The following URB2 variants were observed in gnomAD, a reference collection of about 807,000 sequenced individuals.
The protein encoded by URB2 is unhealthy ribosome biogenesis protein 2 homolog.
URB2 carries 86 observed loss-of-function variants against 120.9 expected under a neutral mutation model. The ratio of observed to expected loss-of-function variants is 0.71; its 90% CI spans 0.60 to 0.85. The LOEUF is 0.85. Ranked by LOEUF, URB2 falls within the 40% of genes least tolerant of loss-of-function variation. The pLI is 0.00. For synonymous variants in URB2, 755 were observed against 758.4 expected, an observed-to-expected ratio of 1.00 and a Z score of 0.07; for missense variants, 1,765 against 1,836.5, an observed-to-expected ratio of 0.96 and a Z score of 0.71.
rs1420159872 is a variant in URB2, at chr1:229,638,148, T to A, written c.3535T>A (p.Leu1179Met). ...AGHDQSFQAA[L>M]QFLTLFFLAP... ...ACATGATCAGTCTTTTCAGGCAGCCTTGCAGTTTTTGACTCTGTTCTTTTT... is the reference window on the plus strand; with the variant it reads ...ACATGATCAGTCTTTTCAGGCAGCCATGCAGTTTTTGACTCTGTTCTTTTT... The change falls in exon 4 of 10, where the codon TTG becomes ATG. Residue 1179 changes from leucine (L) to methionine (M), a missense_variant. Leu to Met is a conservative substitution (Grantham distance 15). Coordinates refer to ENST00000258243, the MANE Select transcript of URB2 (RefSeq NM_014777.4). The A allele has an allele frequency of 6.2e-7, 1 of 1,614,104 alleles. No homozygotes were observed. Among genetic ancestry groups the A allele is most frequent in the Non-Finnish European group, 8.5e-7 (1 of 1,180,044 alleles).
In URB2 at chr1:229,659,322, G is replaced by A. The variant is rs1241083654; in HGVS notation, c.*25G>A. On this transcript the variant is annotated 3_prime_UTR_variant, in exon 10 of 10. Transcript: ENST00000258243. ...AGGCTATGGGACAGAAGTGCCGCCA[G>A]TGACACTGTCCAGAGGCTTTGGCTG... 1.2e-6 allele frequency: 2 copies of A among 1,611,396 alleles called. No homozygotes were observed. Among genetic ancestry groups the A allele is most frequent in the East Asian group, 4.5e-5 (2 of 44,818 alleles).
rs1171145188 is a variant in URB2, at chr1:229,654,263, C to G, written c.4252C>G (p.Leu1418Val). 6 of 1,613,958 alleles carry G rather than the reference C, an allele frequency of 3.7e-6. No individual in the cohort carries two copies. Among genetic ancestry groups the G allele is most frequent in the Non-Finnish European group, 5.1e-6 (6 of 1,179,930 alleles). ...GTTGTCTGTAGGAAGCATAGATGAC[C>G]TGCCTACGGTCCTAAAGTGTGCACG... ...RQKDKGSIDD[L>V]PTVLKCARLV... The change falls in exon 9 of 10, where the codon CTG becomes GTG. Residue 1418 changes from leucine (L) to valine (V), a missense_variant. Physicochemically the swap from Leu to Val is conservative, Grantham distance 32. Coordinates refer to ENST00000258243, the MANE Select transcript of URB2 (RefSeq NM_014777.4).
In URB2 at chr1:229,643,606, G is replaced by A; in HGVS notation, c.3708G>A (p.Glu1236=). Residue 1236 remains glutamate (E), a synonymous_variant, in exon 5 of 10, where the codon GAG becomes GAA. Transcript: ENST00000258243. ...HLGALFTQML[E]VGTTEDLRLV... is the part of the protein sequence containing the mutation. ...GAGCCTTGTTCACCCAAATGTTAGA[G>A]GTTGGGACGACAGAGGACTTGAGGC... 2.5e-6 allele frequency: 4 copies of A among 1,614,218 alleles called. No homozygotes were observed. Among genetic ancestry groups the A allele is most frequent in the Non-Finnish European group, 3.4e-6 (4 of 1,180,042 alleles).
rs1407412023 is a variant in URB2 at position 229,638,082 on chromosome 1, G to A, written c.3469G>A (p.Val1157Ile). ...LLSHVALYQGVYSQILLELPA... is the reference protein window; with the variant it reads ...LLSHVALYQGIYSQILLELPA... ...CTCCCATGTTGCCCTCTACCAGGGTGTTTACTCTCAGATACTGTTGGAGTT... is the reference window on the plus strand; with the variant it reads ...CTCCCATGTTGCCCTCTACCAGGGTATTTACTCTCAGATACTGTTGGAGTT... Residue 1157 changes from valine to isoleucine, a missense_variant, in exon 4 of 10, where the codon GTT becomes ATT. Physicochemically the swap from Val to Ile is conservative, Grantham distance 29. Coordinates refer to ENST00000258243, the MANE Select transcript of URB2 (RefSeq NM_014777.4). 1.9e-6 allele frequency: 3 copies of A among 1,614,092 alleles called. No individual in the cohort carries two copies. The highest frequency in any genetic ancestry group is 1.7e-5 in the Admixed American group (1 of 60,002).
chr1:229,631,198 T>C (rs921322271), intron 2 of URB2, among the ~76,000 whole-genome samples: 8 of 152,164 alleles, frequency 5.3e-5, no homozygotes, highest in Non-Finnish European at 1.2e-4. Flanking sequence ...TAGCTTTTCC[T>C]CCGCAGCCTC....
At position 229,637,354 on chromosome 1, in the gene URB2, A is replaced by G. The variant is rs761203373; in HGVS notation, c.2741A>G (p.His914Arg). ...LQLDSLLPPYHVHYFLVLLSM... is the reference protein window; with the variant it reads ...LQLDSLLPPYRVHYFLVLLSM... ...CTGGACAGCCTCTTGCCACCCTATC[A>G]TGTGCATTATTTTCTTGTGTTACTG... The change falls in exon 4 of 10, where the codon CAT (histidine) becomes CGT (arginine). Residue 914 changes from histidine (H) to arginine (R), a missense_variant. Transcript: ENST00000258243. 8.7e-6 allele frequency: 14 copies of G among 1,614,062 alleles called. No individual in the cohort carries two copies. The highest frequency in any genetic ancestry group is 1.1e-5 in the Non-Finnish European group (13 of 1,179,984).
intron 7 of URB2, among the ~76,000 whole-genome samples, chr1:229,650,461 C>T (rs925275343): frequency 6.6e-6 from 1 of 151,772 alleles, no homozygotes; most frequent in African/African-American, 2.4e-5. Context: ...GATGGAGTCT[C>T]GCTCTGTCAC....
intron 1 of URB2, 87 bp downstream of exon 1, chr1:229,626,443 C>T (rs1467338453): frequency 6.5e-6 from 1 of 152,702 alleles, no homozygotes; most frequent in Non-Finnish European, 1.5e-5. Context: ...GAGGAGATCC[C>T]CCTACCTAAG....
At chr1:229,652,907 CATCTT>C (rs138258413) in intron 8 of URB2, among the ~76,000 whole-genome samples, 304 of 152,338 alleles carry the variant, frequency 2.0e-3, no homozygotes, top group Non-Finnish European at 3.4e-3. Context: ...GTAGCTTCGT[CATCTT>C]ATCTGCTAAG....
chr1:229,628,052 C>T (rs61249383), intron 2 of URB2, among the ~76,000 whole-genome samples: 1 of 145,504 alleles, frequency 6.9e-6, no homozygotes, highest in African/African-American at 2.5e-5. Flanking sequence ...AGTTCTAGAC[C>T]AGACTGGACA....
intron 4 of URB2, among the ~76,000 whole-genome samples, chr1:229,639,445 C>T (rs991123408): frequency 4.0e-5 from 6 of 151,762 alleles, no homozygotes; most frequent in Non-Finnish European, 7.4e-5. Flanking sequence ...TGCCATTCTC[C>T]TGCCTCAGCC....
Position 229,635,239 on chromosome 1 carries a change from G to A in URB2, c.626G>A (p.Arg209Lys). ...CTGCTCCAGCCGTGCCTGGTCCTGA[G>A]GCACTTACTCTCTGGGGGCACATGG... ...AHLLQPCLVL[R>K]HLLSGGTWTQ... The change falls in exon 4 of 10, where the codon AGG becomes AAG. Residue 209 changes from arginine to lysine, a missense_variant. Arg to Lys is a conservative substitution (Grantham distance 26). Transcript: ENST00000258243. The A allele has an allele frequency of 6.2e-7, 1 of 1,614,248 alleles. No individual in the cohort carries two copies. The highest frequency in any genetic ancestry group is 1.7e-5 in the Admixed American group (1 of 60,030).
rs543457153 is a variant in URB2 at position 229,659,458 on chromosome 1, A to G, written c.*161A>G. The G allele has an allele frequency of 1.4e-6, 1 of 700,796 alleles. No individual in the cohort carries two copies. Among genetic ancestry groups the G allele is most frequent in the Non-Finnish European group, 2.2e-6 (1 of 452,716 alleles). 43.4% of individuals were successfully genotyped at this position (700,796 alleles called of 1,614,324 possible). On this transcript the variant is annotated 3_prime_UTR_variant, in exon 10 of 10. Transcript: ENST00000258243. ...TGTAGTATATTTTGATGTATTTTAC[A>G]TCGTGTTTTTCTTACTATTTTTTAA...
Position 229,638,035 on chromosome 1 carries a change from A to C in URB2, c.3422A>C (p.Gln1141Pro). 1.2e-6 allele frequency: 2 copies of C among 1,613,286 alleles called. No individual in the cohort carries two copies. The change falls in exon 4 of 10, where the codon CAA becomes CCA. Residue 1141 changes from glutamine (Q) to proline (P), a missense_variant. Coordinates refer to ENST00000258243, the MANE Select transcript of URB2 (RefSeq NM_014777.4). ...AGGGATGGAGGGGCCGACATTTCCC[A>C]AGGAAGCGACAGGACGCTGCTCTCC... ...HCRDGGADIS[Q>P]GSDRTLLSHV...
At position 229,636,109 on chromosome 1, in the gene URB2, C is replaced by T; in HGVS notation, c.1496C>T (p.Ser499Phe). The stretch of plus-strand genomic sequence containing the variant: ...GCCTCGGGCCCCTCCACGGTACTCT[C>T]TGCATGCCTCCTGGAGCTGCCTCCA... ...VLASGPSTVLSACLLELPPSQ... is the reference protein window; with the variant it reads ...VLASGPSTVLFACLLELPPSQ... The change falls in exon 4 of 10, where the codon TCT becomes TTT. Residue 499 changes from serine (S) to phenylalanine (F), a missense_variant. By Grantham distance (155) the Ser-to-Phe change is radical. Transcript: ENST00000258243. 6.2e-7 allele frequency: 1 copy of T among 1,614,278 alleles called. No individual in the cohort carries two copies.
chr1:229,629,953 C>T (rs1341584044), intron 2 of URB2, among the ~76,000 whole-genome samples: 2 of 152,224 alleles, frequency 1.3e-5, no homozygotes, highest in East Asian at 3.8e-4. Context: ...TTGCTTATCT[C>T]TAAGAAACAA....
intron 8 of URB2, among the ~76,000 whole-genome samples, chr1:229,652,979 A>G (rs1038874392): frequency 3.3e-5 from 5 of 152,214 alleles, no homozygotes; most frequent in Non-Finnish European, 2.9e-5. Context: ...CTATTTTATT[A>G]TCTCTTTTAT....
In URB2 at chr1:229,637,941, T is replaced by A. The variant is rs1665893570; in HGVS notation, c.3328T>A (p.Trp1110Arg). The change falls in exon 4 of 10, where the codon TGG (tryptophan) becomes AGG (arginine). Residue 1110 changes from tryptophan to arginine, a missense_variant. Trp to Arg is a moderately radical substitution (Grantham distance 101). Coordinates refer to ENST00000258243, the MANE Select transcript of URB2 (RefSeq NM_014777.4). ...CTGCTCAGTGCCGGGGGCCCGGGGC[T>A]GGCGCCTTCCCTCGGTCCTCATCTC... ...QLCSVPGARG[W>R]RLPSVLISSV... 6.2e-7 allele frequency: 1 copy of A among 1,613,158 alleles called. No homozygotes were observed. The highest frequency in any genetic ancestry group is 8.5e-7 in the Non-Finnish European group (1 of 1,179,762).
Position 229,635,028 on chromosome 1 carries a change from T to G in URB2, c.415T>G (p.Tyr139Asp). 1 of 1,614,092 alleles carries G rather than the reference T, an allele frequency of 6.2e-7. No individual in the cohort carries two copies. Among genetic ancestry groups the G allele is most frequent in the Non-Finnish European group, 8.5e-7 (1 of 1,179,952 alleles). Residue 139 changes from tyrosine to aspartate, a missense_variant, in exon 4 of 10, where the codon TAC becomes GAC. Coordinates refer to ENST00000258243, the MANE Select transcript of URB2 (RefSeq NM_014777.4). ...GTCGACACCTGCCCTGGCTGTCATC[T>G]ACACGGCCAAACAGGAGCTGATGGT... The part of the protein sequence containing the change: ...ILSTPALAVI[Y>D]TAKQELMVAL...
Sources: allele counts gnomAD v4.1 joint callset (sites outside exome capture counted in the v4.1 genomes callset), GRCh38; gene constraint gnomAD v4.1.1; transcripts MANE v1.5; gene names NCBI Gene and HGNC (gene_info 2026-07-23, HGNC 2026-07-21).